GPATCH8: variants seen among roughly 807,000 people sequenced by gnomAD.
GPATCH8 encodes the protein G patch domain-containing protein 8.
In GPATCH8, 18 loss-of-function variants were observed where a neutral mutation model predicts 118.3. The ratio of observed to expected loss-of-function variants is 0.15; its 90% confidence interval spans 0.11 to 0.23. GPATCH8 has a LOEUF of 0.23. Ranked by LOEUF, GPATCH8 falls within the 10% of genes least tolerant of loss-of-function variation. The probability of loss-of-function intolerance (pLI) is 1.00; values close to 1 mark genes in which losing one functional copy is unlikely to be tolerated. For missense variants in GPATCH8, 1,631 were observed against 1,873.8 expected, an observed-to-expected ratio of 0.87 and a Z score of 2.39; for synonymous variants, 659 against 684.7, an observed-to-expected ratio of 0.96 and a Z score of 0.59.
chr17:44,449,170 G>T (rs1210063458), intron 3 of GPATCH8, among the ~76,000 whole-genome samples: 1 of 152,132 alleles, frequency 6.6e-6, no homozygotes, highest in African/African-American at 2.4e-5. Context: ...CCAGCTACTT[G>T]GGAGGCTGAG....
At chr17:44,443,297 C>T (rs967495233) in intron 3 of GPATCH8, among the ~76,000 whole-genome samples, 3 of 152,140 alleles carry the variant, frequency 2.0e-5, no homozygotes, top group Admixed American at 2.0e-4. Flanking sequence ...TTTATTGAAA[C>T]TGTGATCACA....
chr17:44,434,314 A>G (rs4793103), intron 5 of GPATCH8, among the ~76,000 whole-genome samples: 81,761 of 151,714 alleles, frequency 0.54, 22,716 homozygotes, highest in Middle Eastern at 0.63. Flanking sequence ...AAGGGGAAAG[A>G]AAAAGGGGCA....
chr17:44,404,661 T>C (rs994354535), intron 7 of GPATCH8, among the ~76,000 whole-genome samples: 2 of 152,046 alleles, frequency 1.3e-5, no homozygotes, highest in Non-Finnish European at 2.9e-5. Context: ...GTCACATAAA[T>C]AGTAAGAAAA....
chr17:44,468,355 C>T (rs1478876906), intron 2 of GPATCH8, among the ~76,000 whole-genome samples: 1 of 140,188 alleles, frequency 7.1e-6, no homozygotes. Context: ...GGGCAATGAA[C>T]ATTAAATTTC....
At position 44,480,702 on chromosome 17, in the gene GPATCH8, A is replaced by G. The variant is rs1270428942; in HGVS notation, c.46-5799T>C. ...GCCATTGCACTCCAGCCTGGGCAAC[A>G]AGGGCAAAAAAAAAAAAAATTAGCT... On this transcript the variant is annotated intron_variant, in intron 1 of 7. Transcript: ENST00000591680. 6.0e-5 allele frequency among the ~76,000 whole-genome samples: 9 copies of G among 150,306 alleles called. No individual in the cohort carries two copies. In the South Asian group the frequency reaches 1.9e-3, roughly 32 times the overall value.
intron 1 of GPATCH8, 92 bp from the exon 2 acceptor site, chr17:44,474,995 TC>T: frequency 1.4e-6 from 1 of 713,362 alleles, no homozygotes; most frequent in Non-Finnish European, 2.5e-6. Flanking sequence ...TTTTAACTTT[TC>T]TTTTTTTTTT....
chr17:44,452,272 CA>C (rs1187689963), intron 3 of GPATCH8, among the ~76,000 whole-genome samples: 4,222 of 43,434 alleles, frequency 0.097, 95 homozygotes, highest in African/African-American at 0.25. Context: ...CACTCCGTCT[CA>C]AAAAAAAAAA....
chr17:44,487,811 T>C (rs1433451147), intron 1 of GPATCH8, among the ~76,000 whole-genome samples: 1 of 152,202 alleles, frequency 6.6e-6, no homozygotes, highest in Non-Finnish European at 1.5e-5. Flanking sequence ...AAATGTTTTG[T>C]GCTTCACTAC....
chr17:44,430,181 C>T (rs1333120065), intron 5 of GPATCH8, among the ~76,000 whole-genome samples: 4 of 150,902 alleles, frequency 2.7e-5, no homozygotes, highest in African/African-American at 9.8e-5. Flanking sequence ...GGAAGGAACA[C>T]TTCCTAATTT....
chr17:44,492,906 A>G (rs565578905), intron 1 of GPATCH8, among the ~76,000 whole-genome samples: 3 of 152,310 alleles, frequency 2.0e-5, no homozygotes, highest in South Asian at 2.1e-4. Flanking sequence ...TGATGCCACG[A>G]TAACAATCAG....
intron 7 of GPATCH8, among the ~76,000 whole-genome samples, chr17:44,404,867 A>C (rs9897087): frequency 6.6e-6 from 1 of 152,142 alleles, no homozygotes; most frequent in Non-Finnish European, 1.5e-5. Context: ...TAAAAAAAAA[A>C]GTTGATCTCA....
At chr17:44,443,641 T>C (rs1436089092) in intron 3 of GPATCH8, among the ~76,000 whole-genome samples, 1 of 152,194 alleles carries the variant, frequency 6.6e-6, no homozygotes, top group African/African-American at 2.4e-5. Context: ...TAGTGACCTA[T>C]ACAACAACCA....
Position 44,400,474 on chromosome 17 carries a change from C to G in GPATCH8, c.1603G>C (p.Gly535Arg). The G allele has an allele frequency of 6.2e-7, 1 of 1,614,158 alleles. No individual in the cohort carries two copies. The highest frequency in any genetic ancestry group is 1.1e-5 in the South Asian group (1 of 91,076). Residue 535 changes from glycine to arginine, a missense_variant, in exon 8 of 8, where the codon GGT becomes CGT. Around this residue, in one of 8 missense-constraint regions of GPATCH8, gnomAD observed 405 missense variants for 462.7 expected, o/e 0.88. Coordinates refer to ENST00000591680, the MANE Select transcript of GPATCH8 (RefSeq NM_001002909.4). ...TTGCTCAAAACTGGGAAGAAGGGAC[C>G]AGTAGGATGTTTGGGTCCTTCTTGG... ...ESQEGPKHPT[G>R]PFFPVLSKDE...
chr17:44,433,899 G>A (rs1230760344), intron 5 of GPATCH8, among the ~76,000 whole-genome samples: 1 of 152,164 alleles, frequency 6.6e-6, no homozygotes, highest in African/African-American at 2.4e-5. Flanking sequence ...CACACTTTGG[G>A]AGGCCGAGGT....
At chr17:44,492,553 C>T (rs986611059) in intron 1 of GPATCH8, among the ~76,000 whole-genome samples, 1 of 151,400 alleles carries the variant, frequency 6.6e-6, no homozygotes, top group Non-Finnish European at 1.5e-5. Context: ...GCCTGGGCGA[C>T]AGAGCAAGAC....
intron 1 of GPATCH8, among the ~76,000 whole-genome samples, chr17:44,491,426 T>G (rs991079106): frequency 7.0e-6 from 1 of 143,496 alleles, no homozygotes; most frequent in Non-Finnish European, 1.5e-5. Flanking sequence ...AGGCAGAGAC[T>G]GCAGTGAGCC....
At chr17:44,503,250 G>T (rs1970230530) in intron 1 of GPATCH8, 76 bp downstream of exon 1, 4 of 1,298,702 alleles carry the variant, frequency 3.1e-6, no homozygotes, top group South Asian at 2.5e-5. Flanking sequence ...AGGAAAGAGG[G>T]CTGGGAGCCG....
intron 6 of GPATCH8, among the ~76,000 whole-genome samples, chr17:44,412,682 C>G (rs1045584206): frequency 1.3e-5 from 2 of 152,220 alleles, no homozygotes; most frequent in South Asian, 4.1e-4. Context: ...CCACACCCAG[C>G]TGAACCTGTC....
intron 6 of GPATCH8, among the ~76,000 whole-genome samples, chr17:44,407,850 T>C (rs2049291430): frequency 6.6e-6 from 1 of 151,876 alleles, no homozygotes; most frequent in South Asian, 2.1e-4. Context: ...AGAGACGAGG[T>C]TTCACCATGT....
Sources: allele counts gnomAD v4.1 joint callset (sites outside exome capture counted in the v4.1 genomes callset), GRCh38; gene constraint gnomAD v4.1.1; regional missense constraint gnomAD v4.1.1; transcripts MANE v1.5; gene names NCBI Gene and HGNC (gene_info 2026-07-23, HGNC 2026-07-21).